DNM2: variants seen among roughly 807,000 people sequenced by gnomAD.
The protein encoded by DNM2 is dynamin 2.
In DNM2, 15 loss-of-function variants were observed where a neutral mutation model predicts 99.0. That is an observed-to-expected ratio of 0.15 (90% CI 0.10 to 0.23). The LOEUF is 0.23. Among genes scored for constraint, DNM2 ranks in the 10% least tolerant of loss-of-function variants. The probability of loss-of-function intolerance (pLI) is 1.00; values close to 1 mark genes in which losing one functional copy is unlikely to be tolerated. For missense variants in DNM2, 742 were observed against 1,189.4 expected (o/e 0.62, Z 5.53); for synonymous variants, 525 against 481.2 (o/e 1.09, Z -1.19).
intron 1 of DNM2, among the ~76,000 whole-genome samples, chr19:10,758,271 TTCCTTCCCTCCC>T (rs2070470700): frequency 8.5e-6 from 1 of 116,960 alleles, no homozygotes; most frequent in Admixed American, 8.5e-5. Context: ...CCTTCCCTCC[TTCCTTCCCTCCC>T]TCCTTCCTTC....
intron 1 of DNM2, among the ~76,000 whole-genome samples, chr19:10,743,159 G>A (rs1455801256): frequency 6.6e-6 from 1 of 151,928 alleles, no homozygotes; most frequent in Non-Finnish European, 1.5e-5. Flanking sequence ...GCCTGCCATG[G>A]CCTCCCAAAA....
chr19:10,741,776 C>T (rs1190684371), intron 1 of DNM2, among the ~76,000 whole-genome samples: 7 of 152,004 alleles, frequency 4.6e-5, no homozygotes, highest in African/African-American at 1.4e-4. Flanking sequence ...TGGTCTCTAT[C>T]TCCTGACCTT....
chr19:10,786,926 G>T (rs1409655494), intron 7 of DNM2, among the ~76,000 whole-genome samples: 1 of 152,226 alleles, frequency 6.6e-6, no homozygotes, highest in Non-Finnish European at 1.5e-5. Context: ...CAGAATGGGG[G>T]GAAGTGGGAC....
chr19:10,830,978 C>T lies in DNM2; in HGVS notation c.2544C>T (p.Ser848=). 6.2e-7 allele frequency: 1 copy of T among 1,611,578 alleles called. No homozygotes were observed. Among genetic ancestry groups the T allele is most frequent in the South Asian group, 1.1e-5 (1 of 90,528 alleles). Residue 848 remains serine, a splice_region_variant and synonymous_variant, in exon 21 of 21, where the codon AGC becomes AGT. Transcript: ENST00000389253. The surrounding 1 kb of genome is among the most constrained non-coding windows in gnomAD (Gnocchi z 4.8). ...CCACCTGTCTTTATTCTCTTTGCAG[C>T]AGAAGACCCCCTGCTGCGCCCAGCC... is the stretch of plus-strand genomic sequence containing the variant. The part of the protein sequence containing the change: ...IPPGIPPGVP[S]RRPPAAPSRP...
chr19:10,804,234 G>C (rs2072257662), intron 12 of DNM2, among the ~76,000 whole-genome samples: 1 of 152,130 alleles, frequency 6.6e-6, no homozygotes, highest in African/African-American at 2.4e-5. Context: ...ATGGGAGCCA[G>C]GAGGCCCTTA....
At chr19:10,802,163 C>A in intron 11 of DNM2, 125 bp from the exon 12 acceptor site, 5 of 968,268 alleles carry the variant, frequency 5.2e-6, no homozygotes, top group Non-Finnish European at 8.2e-6. Context: ...AGCCCCTGTT[C>A]TCCTGTCTGG....
At chr19:10,787,017 C>T (rs777067845) in intron 7 of DNM2, among the ~76,000 whole-genome samples, 3 of 152,164 alleles carry the variant, frequency 2.0e-5, no homozygotes, top group Admixed American at 6.5e-5. Context: ...TGGGAGTTGT[C>T]GGGAACAGCC....
At position 10,758,900 on chromosome 19, in the gene DNM2, G is replaced by T. The variant is rs187646649; in HGVS notation, c.162-838G>T. Among the ~76,000 whole-genome samples, 8 of 152,088 alleles carry T rather than the reference G, an allele frequency of 5.3e-5. No individual in the cohort carries two copies. The East Asian group carries it at 1.5e-3, about 29-fold the overall frequency. On this transcript the variant is annotated intron_variant, in intron 1 of 20. Transcript: ENST00000389253. ...TGTCGAATAGTAATTTACATTCCGCGAAATCGATCCATTTCAGAATTAGTG... is the reference window on the plus strand; with the variant it reads ...TGTCGAATAGTAATTTACATTCCGCTAAATCGATCCATTTCAGAATTAGTG...
chr19:10,758,367 C>T (rs867651516), intron 1 of DNM2, among the ~76,000 whole-genome samples: 3 of 114,460 alleles, frequency 2.6e-5, no homozygotes, highest in Admixed American at 8.2e-5. Flanking sequence ...CCTTCCTTCC[C>T]TCCCTCCTTC....
intron 1 of DNM2, among the ~76,000 whole-genome samples, chr19:10,742,579 A>T (rs2069793805): frequency 6.6e-6 from 1 of 152,178 alleles, no homozygotes; most frequent in Non-Finnish European, 1.5e-5. Flanking sequence ...GTCTTCACCC[A>T]ATGATCTTGC....
intron 1 of DNM2, among the ~76,000 whole-genome samples, chr19:10,724,873 T>C (rs2069061264): frequency 6.6e-6 from 1 of 152,234 alleles, no homozygotes; most frequent in Non-Finnish European, 1.5e-5. Context: ...GTGCCGGGGA[T>C]GCTGGCGTTT....
At chr19:10,740,422 C>T (rs2069702027) in intron 1 of DNM2, among the ~76,000 whole-genome samples, 1 of 151,574 alleles carries the variant, frequency 6.6e-6, no homozygotes. Context: ...GTCGCCCAGG[C>T]TGGAGTGCAG....
intron 2 of DNM2, 70 bp downstream of exon 2, chr19:10,759,881 G>A (rs1251654416): frequency 1.3e-6 from 2 of 1,594,560 alleles, no homozygotes; most frequent in African/African-American, 2.7e-5. Flanking sequence ...GTTGCTGGGG[G>A]CGGAGGGTGG....
chr19:10,783,862 G>A (rs528773873), intron 6 of DNM2, among the ~76,000 whole-genome samples: 25 of 151,812 alleles, frequency 1.6e-4, no homozygotes, highest in African/African-American at 5.6e-4. Flanking sequence ...CACCACACCT[G>A]GCTAATTTTT....
chr19:10,781,875 C>A (rs1362929037), intron 5 of DNM2: 2 of 152,208 alleles, frequency 1.3e-5, no homozygotes, highest in East Asian at 1.9e-4. Context: ...GAAGCGTTAA[C>A]TTTCAGTTCT....
rs555301660 is a variant in DNM2 at position 10,821,947 on chromosome 19, C to A, written c.1782-1841C>A. ...GGAGCTACAAGGGCATGCCTCTCCC[C>A]ACACAACCTCATCCAGAGGTCGTTC... On this transcript the variant is annotated intron_variant, in intron 16 of 20. Coordinates refer to ENST00000389253, the MANE Select transcript of DNM2 (RefSeq NM_001005361.3). 9.8e-5 allele frequency among the ~76,000 whole-genome samples: 15 copies of A among 152,302 alleles called. No homozygotes were observed. The South Asian group carries it at 2.7e-3, about 27-fold the overall frequency.
chr19:10,821,479 A>G (rs2072967104), intron 16 of DNM2, among the ~76,000 whole-genome samples: 1 of 152,088 alleles, frequency 6.6e-6, no homozygotes, highest in Non-Finnish European at 1.5e-5. Context: ...GTTCCTCAGG[A>G]TTCCACCTGA....
chr19:10,731,814 G>A (rs1329303314), intron 1 of DNM2, among the ~76,000 whole-genome samples: 1 of 152,254 alleles, frequency 6.6e-6, no homozygotes, highest in African/African-American at 2.4e-5. Context: ...CCAGTCAGAC[G>A]GAAGCCCGGC....
rs368120775 is a variant in DNM2, at chr19:10,742,865, G to C, written c.162-16873G>C. ...GTGAAGGTGGAAGAAGGCCCTGTGT[G>C]CCTGGAGCTTTGTGCAGTGCCCTGG... On this transcript the variant is annotated intron_variant, in intron 1 of 20. Coordinates refer to ENST00000389253, the MANE Select transcript of DNM2 (RefSeq NM_001005361.3). Among the ~76,000 whole-genome samples the C allele has an allele frequency of 3.3e-5, 5 of 151,960 alleles. No homozygotes were observed. The East Asian group carries it at 9.7e-4, about 29-fold the overall frequency.
Sources: allele counts gnomAD v4.1 joint callset (sites outside exome capture counted in the v4.1 genomes callset), GRCh38; gene constraint gnomAD v4.1.1; non-coding constraint Gnocchi (gnomAD v3.1); transcripts MANE v1.5; gene names NCBI Gene and HGNC (gene_info 2026-07-23, HGNC 2026-07-21).